The following ZMIZ1 variants were observed in gnomAD, a reference collection of about 807,000 sequenced individuals.
The protein encoded by ZMIZ1 is zinc finger MIZ domain-containing protein 1.
Under a neutral mutation model 113.9 loss-of-function variants are expected in ZMIZ1, and 17 were observed. The ratio of observed to expected loss-of-function variants is 0.15; its 90% CI spans 0.10 to 0.22. The LOEUF (loss-of-function observed/expected upper bound fraction) is 0.22. Ranked by LOEUF, ZMIZ1 falls within the 10% of genes least tolerant of loss-of-function variation. The probability of loss-of-function intolerance (pLI) is 1.00; values close to 1 mark genes in which losing one functional copy is unlikely to be tolerated. For synonymous variants in ZMIZ1, 607 were observed against 603.1 expected (o/e 1.01, Z -0.09); for missense variants, 1,059 against 1,477.8 (o/e 0.72, Z 4.65).
In ZMIZ1 at chr10:79,296,412, G is replaced by A. The variant is rs1853892496; in HGVS notation, c.1231-59G>A. The A allele has an allele frequency of 1.3e-6, 2 of 1,586,452 alleles. No homozygotes were observed. Among genetic ancestry groups the A allele is most frequent in the Non-Finnish European group, 1.7e-6 (2 of 1,158,782 alleles). On this transcript the variant is annotated intron_variant, in intron 12 of 24. Coordinates refer to ENST00000334512, the MANE Select transcript of ZMIZ1 (RefSeq NM_020338.4). This position sits in a 1 kb window ranked among gnomAD's most constrained non-coding sequence, Gnocchi z 4.1. ...CCCCATCCCGTTGTTCAGGTGACCT[G>A]GCTATGTGACGTTGGCAACATTGAA...
intron 12 of ZMIZ1, 65 bp downstream of exon 12, chr10:79,293,718 G>A (rs1250560): frequency 0.41 from 661,116 of 1,610,206 alleles, 139,302 homozygotes; most frequent in East Asian, 0.67. Flanking sequence ...GACATGGGCC[G>A]TGGGTACGGC....
chr10:79,183,406 A>T (rs1293640031), intron 4 of ZMIZ1, among the ~76,000 whole-genome samples: 1 of 152,156 alleles, frequency 6.6e-6, no homozygotes, highest in Non-Finnish European at 1.5e-5. Context: ...GTGTGCAGAG[A>T]CACAGTCCAG....
At chr10:79,262,129 C>G (rs941214985) in intron 7 of ZMIZ1, among the ~76,000 whole-genome samples, 1 of 152,196 alleles carries the variant, frequency 6.6e-6, no homozygotes, top group Admixed American at 6.5e-5. Flanking sequence ...AATGTTTCCC[C>G]CCTCATCTTG....
Position 79,075,996 on chromosome 10 carries a change from C to T in ZMIZ1, c.-337+6726C>T, listed in dbSNP as rs556264162. Among the ~76,000 whole-genome samples, 5 of 152,320 alleles carry T rather than the reference C, an allele frequency of 3.3e-5. No homozygotes were observed. The East Asian group carries it at 7.7e-4, about 23-fold the overall frequency. On this transcript the variant is annotated intron_variant, in intron 1 of 24. Transcript: ENST00000334512. ...TCTTCCCACTTAGGTCCTGTGCTGC[C>T]CTCCTCTTAGCTCGGGAGCTTCGGG...
At chr10:79,128,861 C>T (rs1044106573) in intron 2 of ZMIZ1, among the ~76,000 whole-genome samples, 3 of 152,162 alleles carry the variant, frequency 2.0e-5, no homozygotes, top group Middle Eastern at 3.2e-3. Flanking sequence ...CTATGCTTGG[C>T]AGGTGTGAGA....
chr10:79,268,062 G>C (rs555590989), intron 7 of ZMIZ1, among the ~76,000 whole-genome samples: 3 of 152,370 alleles, frequency 2.0e-5, no homozygotes, highest in Non-Finnish European at 2.9e-5. Context: ...AGGAGGATCA[G>C]AGGGTAGGGG....
intron 18 of ZMIZ1, among the ~76,000 whole-genome samples, chr10:79,302,795 G>C (rs6480930): frequency 6.9e-6 from 1 of 144,766 alleles, no homozygotes; most frequent in African/African-American, 2.6e-5. Context: ...ATGGGTTCAC[G>C]CCATTCTCCT....
At chr10:79,208,516 C>T in intron 6 of ZMIZ1, 67 bp downstream of exon 6, 1 of 1,377,724 alleles carries the variant, frequency 7.3e-7, no homozygotes, top group South Asian at 1.2e-5. Flanking sequence ...GCGTGCCTGT[C>T]CAGGTTTCAG....
At chr10:79,189,187 C>T (rs774304966) in intron 4 of ZMIZ1, among the ~76,000 whole-genome samples, 94 of 152,346 alleles carry the variant, frequency 6.2e-4, no homozygotes, top group Non-Finnish European at 1.1e-3. Flanking sequence ...AAACAGAGTC[C>T]CTCCAGCTCC....
chr10:79,163,619 AT>A (rs1183312159), intron 4 of ZMIZ1, among the ~76,000 whole-genome samples: 4 of 152,248 alleles, frequency 2.6e-5, no homozygotes, highest in Non-Finnish European at 5.9e-5. Context: ...CCACAGAGCC[AT>A]CAGTGCTGGA....
At chr10:79,153,627 C>G (rs1845790463) in intron 3 of ZMIZ1, among the ~76,000 whole-genome samples, 2 of 152,236 alleles carry the variant, frequency 1.3e-5, no homozygotes, top group African/African-American at 4.8e-5. Context: ...GTTGCCTGGG[C>G]TCTGAAAGCC....
At chr10:79,198,852 G>A (rs1847949183) in intron 4 of ZMIZ1, among the ~76,000 whole-genome samples, 1 of 152,086 alleles carries the variant, frequency 6.6e-6, no homozygotes, top group Non-Finnish European at 1.5e-5. Flanking sequence ...TGGCCAGTAT[G>A]GTGAAACCCC....
intron 4 of ZMIZ1, 98 bp downstream of exon 4, chr10:79,162,231 C>T (rs569908701): frequency 2.8e-5 from 11 of 397,702 alleles, no homozygotes; most frequent in East Asian, 2.1e-4. Context: ...ACCTTTGACT[C>T]GGGCCTCAGC....
intron 7 of ZMIZ1, among the ~76,000 whole-genome samples, chr10:79,272,766 C>G (rs894983070): frequency 6.6e-6 from 1 of 152,208 alleles, no homozygotes; most frequent in East Asian, 1.9e-4. Context: ...AGTGGGTTCA[C>G]TTTAGACGAG....
intron 23 of ZMIZ1, among the ~76,000 whole-genome samples, chr10:79,310,081 T>A (rs988249239): frequency 3.3e-5 from 5 of 152,096 alleles, no homozygotes; most frequent in Admixed American, 3.3e-4. Context: ...GTGCGAGTCC[T>A]CTAGTTATCT....
At chr10:79,163,156 G>A (rs182087738) in intron 4 of ZMIZ1, among the ~76,000 whole-genome samples, 11 of 152,378 alleles carry the variant, frequency 7.2e-5, no homozygotes, top group South Asian at 4.1e-4. Flanking sequence ...CAGCCCGGGA[G>A]GGGGGAGTCT....
intron 14 of ZMIZ1, among the ~76,000 whole-genome samples, 199 bp from the exon 15 acceptor site, chr10:79,298,207 A>G (rs1275558973): frequency 6.6e-6 from 1 of 152,014 alleles, no homozygotes; most frequent in East Asian, 1.9e-4. Context: ...GACCCAGATG[A>G]AGGGTGGGGA....
chr10:79,274,456 C>G (rs1217044751), intron 7 of ZMIZ1, among the ~76,000 whole-genome samples: 2 of 152,374 alleles, frequency 1.3e-5, no homozygotes, highest in African/African-American at 4.8e-5. Context: ...CTGCCTGCCT[C>G]TGTCTGTCCC....
At chr10:79,271,381 C>T (rs181138489) in intron 7 of ZMIZ1, among the ~76,000 whole-genome samples, 7 of 152,306 alleles carry the variant, frequency 4.6e-5, no homozygotes, top group Admixed American at 3.9e-4. Context: ...GCGGTCCCAT[C>T]CATATGGCTA....
Sources: gnomAD v4.1 joint callset for allele counts (sites outside exome capture counted in the v4.1 genomes callset) on GRCh38, gnomAD v4.1.1 for gene constraint, Gnocchi (gnomAD v3.1) non-coding constraint, MANE v1.5 for transcripts, NCBI Gene and HGNC (gene_info 2026-07-23, HGNC 2026-07-21) for gene names.